CNTN4: variants seen among roughly 807,000 people sequenced by gnomAD.
CNTN4 encodes the protein contactin-4.
In CNTN4, 77 loss-of-function variants were observed where a neutral mutation model predicts 122.5. The observed-to-expected ratio is 0.63, with a 90% CI of 0.52 to 0.76. The LOEUF (loss-of-function observed/expected upper bound fraction) is 0.76, where lower values mean the gene tolerates loss of function less well. Among genes scored for constraint, CNTN4 ranks in the 30% least tolerant of loss-of-function variants. The pLI, the probability that CNTN4 is intolerant of heterozygous loss-of-function variation, is 0.00. For synonymous variants in CNTN4, 512 were observed against 447.0 expected, an observed-to-expected ratio of 1.15 and a Z score of -1.83; for missense variants, 1,256 against 1,259.1, an observed-to-expected ratio of 1.00 and a Z score of 0.04.
intron 3 of CNTN4, among the ~76,000 whole-genome samples, chr3:2,409,819 T>A (rs1282179442): frequency 6.6e-6 from 1 of 152,112 alleles, no homozygotes; most frequent in Non-Finnish European, 1.5e-5. Flanking sequence ...AATATGTCCA[T>A]GTATACATAA....
chr3:2,572,334 C>T (rs572319063), intron 4 of CNTN4, among the ~76,000 whole-genome samples: 5 of 152,058 alleles, frequency 3.3e-5, no homozygotes, highest in South Asian at 2.1e-4. Context: ...TGCAGTGAGC[C>T]GAGATCGCGC....
At chr3:2,384,620 C>T (rs913521498) in intron 3 of CNTN4, among the ~76,000 whole-genome samples, 3 of 152,150 alleles carry the variant, frequency 2.0e-5, no homozygotes, top group African/African-American at 7.2e-5. Context: ...CTTAAAATTA[C>T]TCCCTTTGTG....
intron 2 of CNTN4, among the ~76,000 whole-genome samples, chr3:2,261,628 C>A (rs796676415): frequency 9.9e-5 from 15 of 152,158 alleles, no homozygotes; most frequent in African/African-American, 3.4e-4. Flanking sequence ...TCAACACCAA[C>A]TATTCCAGGC....
chr3:2,697,725 A>G (rs76486155), intron 4 of CNTN4, among the ~76,000 whole-genome samples: 1 of 152,190 alleles, frequency 6.6e-6, no homozygotes. Flanking sequence ...AGAAAAAAAA[A>G]GATACTTATT....
Position 2,838,033 on chromosome 3 carries a change from G to T in CNTN4, c.454+18452G>T, listed in dbSNP as rs528059976. Among the ~76,000 whole-genome samples the T allele has an allele frequency of 5.3e-5, 8 of 152,288 alleles. No individual in the cohort carries two copies. The East Asian group carries it at 1.5e-3, about 29-fold the overall frequency. ...AATCGAGTCTGAATTAAATGCAGAGGTTCAGGGCTAAGTGTGTTACAGGAA... is the reference window on the plus strand; with the variant it reads ...AATCGAGTCTGAATTAAATGCAGAGTTTCAGGGCTAAGTGTGTTACAGGAA... On this transcript the variant is annotated intron_variant, in intron 7 of 24. Coordinates refer to ENST00000418658, the MANE Select transcript of CNTN4 (RefSeq NM_175607.3).
At chr3:2,536,671 G>A (rs542357823) in intron 3 of CNTN4, among the ~76,000 whole-genome samples, 1 of 148,814 alleles carries the variant, frequency 6.7e-6, no homozygotes, top group Admixed American at 6.7e-5. Context: ...TCATCCTCCT[G>A]CTTTGGCCTC....
intron 4 of CNTN4, among the ~76,000 whole-genome samples, chr3:2,641,644 T>A (rs1480940766): frequency 6.6e-6 from 1 of 152,168 alleles, no homozygotes; most frequent in Non-Finnish European, 1.5e-5. Flanking sequence ...ACATTCCTGG[T>A]TATATATCAT....
intron 4 of CNTN4, among the ~76,000 whole-genome samples, chr3:2,630,282 A>G (rs1327075386): frequency 6.6e-6 from 1 of 152,130 alleles, no homozygotes; most frequent in Non-Finnish European, 1.5e-5. Flanking sequence ...CAAAAAATAC[A>G]ACAAAAATTA....
intron 3 of CNTN4, among the ~76,000 whole-genome samples, chr3:2,451,208 A>T (rs1303982815): frequency 1.3e-5 from 2 of 152,194 alleles, no homozygotes; most frequent in African/African-American, 2.4e-5. Context: ...TATTATCCAG[A>T]TATGGTTATA....
At chr3:2,276,510 A>T (rs1420323723) in intron 2 of CNTN4, among the ~76,000 whole-genome samples, 1 of 151,996 alleles carries the variant, frequency 6.6e-6, no homozygotes, top group Non-Finnish European at 1.5e-5. Context: ...AAAATTTGTC[A>T]TGCTGGGTCA....
chr3:2,689,513 C>G (rs2085614343), intron 4 of CNTN4, among the ~76,000 whole-genome samples: 1 of 152,118 alleles, frequency 6.6e-6, no homozygotes, highest in Non-Finnish European at 1.5e-5. Flanking sequence ...TGCCTCAACC[C>G]ATTTGTCTGC....
chr3:2,834,625 CAAAAT>C (rs777382849), intron 7 of CNTN4, among the ~76,000 whole-genome samples: 2 of 151,624 alleles, frequency 1.3e-5, no homozygotes, highest in East Asian at 1.9e-4. Flanking sequence ...ACCAGAGACT[CAAAAT>C]AAAGATGAGC....
intron 2 of CNTN4, among the ~76,000 whole-genome samples, chr3:2,113,199 C>G (rs974539240): frequency 3.3e-5 from 5 of 152,140 alleles, no homozygotes; most frequent in African/African-American, 7.2e-5. Context: ...TCCCTTATAT[C>G]TGAATATAAC....
intron 4 of CNTN4, among the ~76,000 whole-genome samples, chr3:2,697,638 G>T (rs1219090529): frequency 6.6e-6 from 1 of 152,040 alleles, no homozygotes; most frequent in African/African-American, 2.4e-5. Context: ...TTTTTTCTTA[G>T]GCTAGTTAAA....
intron 3 of CNTN4, among the ~76,000 whole-genome samples, chr3:2,347,490 A>C (rs549512358): frequency 7.2e-4 from 101 of 139,812 alleles, no homozygotes; most frequent in African/African-American, 2.6e-3. Context: ...GCTGACTGCA[A>C]CCTCCACCTC....
At chr3:2,716,379 T>C (rs894458675) in intron 4 of CNTN4, among the ~76,000 whole-genome samples, 6 of 151,638 alleles carry the variant, frequency 4.0e-5, no homozygotes, top group Non-Finnish European at 5.9e-5. Flanking sequence ...CAAGATTGTT[T>C]TAAGGATTAA....
At chr3:2,192,791 T>C (rs1240922529) in intron 2 of CNTN4, among the ~76,000 whole-genome samples, 1 of 152,152 alleles carries the variant, frequency 6.6e-6, no homozygotes, top group African/African-American at 2.4e-5. Flanking sequence ...TTTCTAACTT[T>C]ACACCAAAAC....
chr3:2,138,431 C>T (rs1321629807), intron 2 of CNTN4, among the ~76,000 whole-genome samples: 1 of 152,080 alleles, frequency 6.6e-6, no homozygotes, highest in Non-Finnish European at 1.5e-5. Context: ...TGCTTGGCAG[C>T]TGACATGGCT....
intron 2 of CNTN4, among the ~76,000 whole-genome samples, chr3:2,151,188 G>A (rs1425010083): frequency 1.3e-5 from 2 of 152,182 alleles, no homozygotes; most frequent in African/African-American, 4.8e-5. Context: ...GCCTCCCAAA[G>A]TGCCGGGATT....
Sources: allele counts gnomAD v4.1 joint callset (sites outside exome capture counted in the v4.1 genomes callset), GRCh38; gene constraint gnomAD v4.1.1; transcripts MANE v1.5; gene names NCBI Gene and HGNC (gene_info 2026-07-23, HGNC 2026-07-21).